The following PRRC1 variants were observed in gnomAD, a reference collection of about 807,000 sequenced individuals.
The protein encoded by PRRC1 is proline rich coiled-coil 1.
Under a neutral mutation model 40.7 loss-of-function variants are expected in PRRC1, and 39 were observed. That is an observed-to-expected ratio of 0.96 (90% CI 0.74 to 1.25). The LOEUF (loss-of-function observed/expected upper bound fraction) is 1.25, where lower values mean the gene tolerates loss of function less well. Among genes scored for constraint, PRRC1 ranks in the 50% most tolerant of loss-of-function variants. The probability of loss-of-function intolerance (pLI) is 0.00; values close to 1 mark genes in which losing one functional copy is unlikely to be tolerated. For missense variants in PRRC1, 573 were observed against 548.3 expected (o/e 1.05, Z -0.45); for synonymous variants, 175 against 193.3 (o/e 0.91, Z 0.79).
Position 127,552,419 on chromosome 5 carries a change from A to G in PRRC1, c.*503A>G. The G allele has an allele frequency of 2.0e-6, 2 of 979,004 alleles. No individual in the cohort carries two copies. The highest frequency in any genetic ancestry group is 2.4e-6 in the Non-Finnish European group (2 of 824,644). 60.6% of individuals were successfully genotyped at this position (979,004 alleles called of 1,614,324 possible). On this transcript the variant is annotated 3_prime_UTR_variant, in exon 9 of 9. Transcript: ENST00000296666. ...GCTCAACAGTCACTATAAGACACCT[A>G]CTTGTCGGGAGATGTTCCACATTTC...
rs1374840795 is a variant in PRRC1 at position 127,526,653 on chromosome 5, T to A, written c.529T>A (p.Leu177Met). 1 of 1,613,162 alleles carries A rather than the reference T, an allele frequency of 6.2e-7. No individual in the cohort carries two copies. The change falls in exon 4 of 9, where the codon TTG becomes ATG. Residue 177 changes from leucine to methionine, a missense_variant. Coordinates refer to ENST00000296666, the MANE Select transcript of PRRC1 (RefSeq NM_130809.5). Reference protein sequence around the residue: ...LPTPITQQASLTSLAQGTGTT... With the variant: ...LPTPITQQASMTSLAQGTGTT... The stretch of plus-strand genomic sequence containing the variant: ...AACTCCTATTACTCAGCAAGCCAGT[T>A]TGACATCTCTGGCACAGGGAACTGG...
chr5:127,553,924 G>A lies in PRRC1; in HGVS notation c.*2008G>A, dbSNP rs961533316. On this transcript the variant is annotated 3_prime_UTR_variant, in exon 9 of 9. Coordinates refer to ENST00000296666, the MANE Select transcript of PRRC1 (RefSeq NM_130809.5). ...AACCGTGTGAGTGGGTGAGGAAGAT[G>A]AGAGATGGTCAGATGGAAGAGAGAA... The A allele has an allele frequency of 7.2e-6, 11 of 1,534,556 alleles. No homozygotes were observed. Among genetic ancestry groups the A allele is most frequent in the Admixed American group, 5.9e-5 (3 of 50,828 alleles).
At chr5:127,518,307 C>T (rs1253177759) in intron 1 of PRRC1, among the ~76,000 whole-genome samples, 1 of 152,234 alleles carries the variant, frequency 6.6e-6, no homozygotes, top group Non-Finnish European at 1.5e-5. Context: ...AGCTTATTTT[C>T]CCTGAGGTTA....
chr5:127,521,476 C>T (rs143915630), intron 1 of PRRC1, among the ~76,000 whole-genome samples: 377 of 152,316 alleles, frequency 2.5e-3, no homozygotes, highest in African/African-American at 8.6e-3. Flanking sequence ...GGACTAGCTG[C>T]GTTAGGATAA....
rs541555478 is a variant in PRRC1 at position 127,541,304 on chromosome 5, A to G, written c.1025+2161A>G. 2.6e-5 allele frequency among the ~76,000 whole-genome samples: 4 copies of G among 152,350 alleles called. No homozygotes were observed. In the South Asian group the frequency reaches 8.3e-4, roughly 32 times the overall value. ...TATTTTATTGAGGATTCTTGCATCC[A>G]TGTTCATCAAGGATATTGGTCTAAA... On this transcript the variant is annotated intron_variant, in intron 7 of 8. Coordinates refer to ENST00000296666, the MANE Select transcript of PRRC1 (RefSeq NM_130809.5).
intron 4 of PRRC1, among the ~76,000 whole-genome samples, chr5:127,527,305 A>G (rs1258151507): frequency 3.3e-5 from 5 of 152,214 alleles, no homozygotes; most frequent in Admixed American, 6.5e-5. Flanking sequence ...AACATATGCA[A>G]TACCTCACAT....
In PRRC1 at chr5:127,547,863, G is replaced by T. The variant is rs139023434; in HGVS notation, c.1070G>T (p.Gly357Val). 13 of 1,613,518 alleles carry T rather than the reference G, an allele frequency of 8.1e-6. No homozygotes were observed. The highest frequency in any genetic ancestry group is 1.1e-5 in the South Asian group (1 of 91,020). Residue 357 changes from glycine (G) to valine (V), a missense_variant, in exon 8 of 9, where the codon GGC becomes GTC. By Grantham distance (109) the Gly-to-Val change is moderately radical. Coordinates refer to ENST00000296666, the MANE Select transcript of PRRC1 (RefSeq NM_130809.5). ...GCLVVEDPVHGIHLETFTQAT... is the reference protein window; with the variant it reads ...GCLVVEDPVHVIHLETFTQAT... The stretch of plus-strand genomic sequence containing the variant: ...TTGGTGGTTGAAGATCCTGTCCATG[G>T]CATTCATCTAGAAACATTTACACAA...
At chr5:127,522,541 T>A (rs1767487832) in intron 1 of PRRC1, among the ~76,000 whole-genome samples, 1 of 152,062 alleles carries the variant, frequency 6.6e-6, no homozygotes, top group Non-Finnish European at 1.5e-5. Context: ...TAGGCACATG[T>A]CACCCTGCCT....
intron 3 of PRRC1, 89 bp from the exon 4 acceptor site, chr5:127,526,518 ATGCCTGAATAT>A (rs1203209974): frequency 4.9e-6 from 4 of 823,530 alleles, no homozygotes; most frequent in African/African-American, 3.5e-5. Flanking sequence ...CAGTCTTCAA[ATGCCTGAATAT>A]TAATATTAAA....
chr5:127,552,126 C>T lies in PRRC1; in HGVS notation c.*210C>T, dbSNP rs910393956. 1 of 1,376,606 alleles carries T rather than the reference C, an allele frequency of 7.3e-7. No homozygotes were observed. The highest frequency in any genetic ancestry group is 1.7e-5 in the South Asian group (1 of 58,726). The allele number at this position is 1,376,606 out of a possible 1,614,324, so 85.3% of individuals were successfully genotyped here. A position where few individuals can be genotyped will look rare whatever the true frequency, so the allele number is the denominator to read the frequency against. ...TCCTTTTTATAGTCATACCATTTCA[C>T]CTATCATAGTACTCAAAAAAGAAAA... On this transcript the variant is annotated 3_prime_UTR_variant, in exon 9 of 9. Coordinates refer to ENST00000296666, the MANE Select transcript of PRRC1 (RefSeq NM_130809.5).
rs1443717799 is a variant in PRRC1, at chr5:127,533,684, C to A, written c.819C>A (p.Val273=). The A allele has an allele frequency of 6.2e-7, 1 of 1,613,978 alleles. No individual in the cohort carries two copies. Among genetic ancestry groups the A allele is most frequent in the Non-Finnish European group, 8.5e-7 (1 of 1,180,004 alleles). ...TSNKEVKVAA[V]RDAFQEVFGL... is the part of the protein sequence containing the mutation. The stretch of plus-strand genomic sequence containing the variant: ...ATAAAGAAGTAAAAGTTGCTGCTGT[C>A]CGAGATGCCTTCCAGGAGGTCTTTG... The change falls in exon 6 of 9, where the codon GTC becomes GTA. Residue 273 remains valine, a synonymous_variant. Transcript: ENST00000296666.
At chr5:127,537,468 T>G (rs1035893364) in intron 6 of PRRC1, among the ~76,000 whole-genome samples, 2 of 151,962 alleles carry the variant, frequency 1.3e-5, no homozygotes, top group Admixed American at 6.6e-5. Context: ...TTTCATTTTC[T>G]TATGGATTTT....
chr5:127,553,689 T>TA lies in PRRC1; in HGVS notation c.*1778dup, dbSNP rs778540460. 111 of 1,487,968 alleles carry TA rather than the reference T, an allele frequency of 7.5e-5. No individual in the cohort carries two copies. Among genetic ancestry groups the TA allele is most frequent in the Admixed American group, 2.7e-4 (11 of 41,322 alleles). The allele number at this position is 1,487,968 out of a possible 1,614,324, so 92.2% of individuals were successfully genotyped here. On this transcript the variant is annotated 3_prime_UTR_variant, in exon 9 of 9. Transcript: ENST00000296666. ...TATTATAAGGAAATCTTACAGATTCTAAAAATACCTTAATTTTTCTTTGAT... is the reference window on the plus strand; with the variant it reads ...TATTATAAGGAAATCTTACAGATTCTAAAAAATACCTTAATTTTTCTTTGAT...
intron 7 of PRRC1, among the ~76,000 whole-genome samples, chr5:127,544,800 A>C (rs1185710151): frequency 6.6e-6 from 1 of 152,154 alleles, no homozygotes; most frequent in Non-Finnish European, 1.5e-5. Flanking sequence ...TTCTTTGACT[A>C]GGAAAGGGAA....
chr5:127,553,114 T>A lies in PRRC1; in HGVS notation c.*1198T>A, dbSNP rs565327436. 1.1e-6 allele frequency: 1 copy of A among 916,238 alleles called. No individual in the cohort carries two copies. Among genetic ancestry groups the A allele is most frequent in the Non-Finnish European group, 1.3e-6 (1 of 767,608 alleles). 56.8% of individuals were successfully genotyped at this position (916,238 alleles called of 1,614,324 possible). A position where few individuals can be genotyped will look rare whatever the true frequency, so the allele number is the denominator to read the frequency against. ...TTTCGAAGATAGTTTCTTATATAAATGTAATTTAATTTTTTTACTCTTCTA... is the reference window on the plus strand; with the variant it reads ...TTTCGAAGATAGTTTCTTATATAAAAGTAATTTAATTTTTTTACTCTTCTA... On this transcript the variant is annotated 3_prime_UTR_variant, in exon 9 of 9. Coordinates refer to ENST00000296666, the MANE Select transcript of PRRC1 (RefSeq NM_130809.5).
At chr5:127,540,291 T>C (rs561851882) in intron 7 of PRRC1, among the ~76,000 whole-genome samples, 1 of 152,262 alleles carries the variant, frequency 6.6e-6, no homozygotes, top group Admixed American at 6.5e-5. Flanking sequence ...CAATATGCCT[T>C]TTTGATATAA....
chr5:127,540,404 T>G (rs1160279731), intron 7 of PRRC1, among the ~76,000 whole-genome samples: 1 of 152,128 alleles, frequency 6.6e-6, no homozygotes, highest in Non-Finnish European at 1.5e-5. Context: ...TCTGCATATA[T>G]TTTAAGCTCT....
intron 6 of PRRC1, among the ~76,000 whole-genome samples, chr5:127,537,189 ATAT>A (rs1767922710): frequency 6.6e-6 from 1 of 151,832 alleles, no homozygotes; most frequent in Non-Finnish European, 1.5e-5. Flanking sequence ...ATTTATGAAA[ATAT>A]TATAAAATTT....
intron 7 of PRRC1, among the ~76,000 whole-genome samples, chr5:127,546,011 A>G (rs975747300): frequency 6.6e-6 from 1 of 152,132 alleles, no homozygotes; most frequent in Admixed American, 6.5e-5. Context: ...AATTCTTTAC[A>G]ATTATGTCTT....
Sources: gnomAD v4.1 joint callset for allele counts (sites outside exome capture counted in the v4.1 genomes callset) on GRCh38, gnomAD v4.1.1 for gene constraint, MANE v1.5 for transcripts, NCBI Gene and HGNC (gene_info 2026-07-23, HGNC 2026-07-21) for gene names.